The following GLI3 variants were observed in gnomAD, a reference collection of about 807,000 sequenced individuals.
The protein encoded by GLI3 is transcription activator GLI3.
In GLI3, 20 loss-of-function variants were observed where a neutral mutation model predicts 100.8. The ratio of observed to expected loss-of-function variants is 0.20; its 90% CI spans 0.14 to 0.29. The LOEUF is 0.29. GLI3 is among the 10% of genes least tolerant of loss of function. The pLI, the probability that GLI3 is intolerant of heterozygous loss-of-function variation, is 1.00. For synonymous variants in GLI3, 938 were observed against 860.5 expected (o/e 1.09, Z -1.58); for missense variants, 2,040 against 2,128.5 (o/e 0.96, Z 0.82).
chr7:42,101,288 A>T (rs540880257), intron 3 of GLI3, among the ~76,000 whole-genome samples: 1 of 152,178 alleles, frequency 6.6e-6, no homozygotes, highest in Non-Finnish European at 1.5e-5. Flanking sequence ...TACTGTATTT[A>T]GGCATTCTGG....
intron 4 of GLI3, among the ~76,000 whole-genome samples, chr7:42,072,659 C>G (rs192299012): frequency 6.6e-6 from 1 of 152,196 alleles, no homozygotes; most frequent in Admixed American, 6.5e-5. Context: ...ATCATTTGTT[C>G]CCATAGAATA....
intron 3 of GLI3, among the ~76,000 whole-genome samples, chr7:42,144,112 A>C (rs1051991157): frequency 1.3e-5 from 2 of 152,238 alleles, no homozygotes; most frequent in African/African-American, 2.4e-5. Context: ...GGAATGCTTT[A>C]ACTATTATGT....
In GLI3 at chr7:41,964,394, C is replaced by G; in HGVS notation, c.4679G>C (p.Gly1560Ala). 1 of 1,614,114 alleles carries G rather than the reference C, an allele frequency of 6.2e-7. No individual in the cohort carries two copies. Among genetic ancestry groups the G allele is most frequent in the Non-Finnish European group, 8.5e-7 (1 of 1,179,936 alleles). ...GGAGGTCAGCAAAGAACTCATGTCC[C>G]CGATAGCCATGTTGGTGGTGCTCAT... ...LSMSTTNMAI[G>A]DMSSLLTSLA... The change falls in exon 15 of 15, where the codon GGG becomes GCG. Residue 1560 changes from glycine (G) to alanine (A), a missense_variant. Coordinates refer to ENST00000395925, the MANE Select transcript of GLI3 (RefSeq NM_000168.6).
At chr7:42,093,046 T>C (rs1785260519) in intron 3 of GLI3, among the ~76,000 whole-genome samples, 1 of 151,908 alleles carries the variant, frequency 6.6e-6, no homozygotes, top group South Asian at 2.1e-4. Context: ...ACTTCTGACC[T>C]CAGGTGATCC....
intron 3 of GLI3, among the ~76,000 whole-genome samples, chr7:42,098,287 C>T (rs919698442): frequency 3.9e-5 from 6 of 152,108 alleles, no homozygotes; most frequent in African/African-American, 1.4e-4. Context: ...ATCTCTCTGT[C>T]TCTGTGTAAT....
intron 10 of GLI3, among the ~76,000 whole-genome samples, chr7:41,980,537 C>T (rs1045967956): frequency 6.6e-6 from 1 of 151,824 alleles, no homozygotes; most frequent in Non-Finnish European, 1.5e-5. Context: ...GTTCAGTTTT[C>T]CAAGTCATTG....
intron 1 of GLI3, among the ~76,000 whole-genome samples, chr7:42,251,499 C>A (rs1789031478): frequency 6.6e-6 from 1 of 152,110 alleles, no homozygotes; most frequent in Admixed American, 6.6e-5. Context: ...TGGGGACCCC[C>A]CTGCTCTAGT....
intron 2 of GLI3, among the ~76,000 whole-genome samples, chr7:42,194,892 G>C (rs1375517313): frequency 2.0e-5 from 3 of 150,774 alleles, no homozygotes; most frequent in Non-Finnish European, 4.4e-5. Context: ...TCAGCCTCCC[G>C]AGTAACTGGG....
At chr7:42,160,234 G>T (rs1002785224) in intron 2 of GLI3, among the ~76,000 whole-genome samples, 2 of 152,192 alleles carry the variant, frequency 1.3e-5, no homozygotes, top group African/African-American at 4.8e-5. Flanking sequence ...TGCAAAACAG[G>T]GTGGCAAGAT....
intron 3 of GLI3, among the ~76,000 whole-genome samples, chr7:42,078,642 A>ACTGTC (rs1784931013): frequency 6.6e-6 from 1 of 152,080 alleles, no homozygotes; most frequent in South Asian, 2.1e-4. Context: ...ATCTTGTATC[A>ACTGTC]CTGTCACTGT....
At chr7:42,173,889 C>A (rs3801215) in intron 2 of GLI3, among the ~76,000 whole-genome samples, 10,895 of 152,248 alleles carry the variant, frequency 0.072, 411 homozygotes, top group Middle Eastern at 0.11. Context: ...ATGCTGGGCA[C>A]AAGCTTGACC....
At chr7:41,987,373 T>C (rs4724087) in intron 10 of GLI3, among the ~76,000 whole-genome samples, 78,934 of 152,044 alleles carry the variant, frequency 0.52, 21,806 homozygotes, top group East Asian at 0.81. Flanking sequence ...TTCACTGTAT[T>C]GGCCAGGCTG....
chr7:42,026,113 G>T, intron 8 of GLI3, 86 bp downstream of exon 8: 3 of 818,684 alleles, frequency 3.7e-6, no homozygotes, highest in Middle Eastern at 3.3e-4. Flanking sequence ...ACACAGAGGT[G>T]CCGTGTTGAT....
intron 7 of GLI3, among the ~76,000 whole-genome samples, chr7:42,026,760 C>A (rs1246951152): frequency 6.6e-6 from 1 of 152,308 alleles, no homozygotes; most frequent in South Asian, 2.1e-4. Context: ...GCTCTTAGTT[C>A]CGTATGTTCC....
chr7:42,223,154 C>A lies in GLI3; in HGVS notation c.100G>T (p.Val34Phe), dbSNP rs201887880. The change falls in exon 2 of 15, where the codon GTT (valine) becomes TTT (phenylalanine). Residue 34 changes from valine (V) to phenylalanine (F), a missense_variant. By Grantham distance (50) the Val-to-Phe change is conservative (BLOSUM62 -1). Transcript: ENST00000395925. ...CCATTAGAAGTGGTGCTGGAGGCAA[C>A]GGCTTTCTCGCTCACATCTGTTCGA... ...STRTDVSEKA[V>F]ASSTTSNEDE... The A allele has an allele frequency of 6.2e-7, 1 of 1,613,780 alleles. No homozygotes were observed. The highest frequency in any genetic ancestry group is 8.5e-7 in the Non-Finnish European group (1 of 1,179,888).
At position 41,967,583 on chromosome 7, in the gene GLI3, A is replaced by C; in HGVS notation, c.2431+13T>G. 2 of 1,584,234 alleles carry C rather than the reference A, an allele frequency of 1.3e-6. No individual in the cohort carries two copies. Among genetic ancestry groups the C allele is most frequent in the Non-Finnish European group, 1.7e-6 (2 of 1,153,764 alleles). The stretch of plus-strand genomic sequence containing the variant: ...AAACCCTGAGCAGATGCATGGTCTG[A>C]TGTAGAACTCACCATTTCCTATGAG... On this transcript the variant is annotated intron_variant, in intron 14 of 14. Transcript: ENST00000395925.
In GLI3 at chr7:41,967,743, C is replaced by A. The variant is rs2128707060; in HGVS notation, c.2284G>T (p.Ala762Ser). The A allele has an allele frequency of 6.2e-7, 1 of 1,614,202 alleles. No individual in the cohort carries two copies. The highest frequency in any genetic ancestry group is 2.2e-5 in the East Asian group (1 of 44,886). ...STISTATTALALQARRNPAGT... is the reference protein window; with the variant it reads ...STISTATTALSLQARRNPAGT... ...GCCGGGTTTCTCCTGGCTTGCAAAG[C>A]AAGGGCTGTGGTTGCAGTGGAAATG... The change falls in exon 14 of 15, where the codon GCT becomes TCT. Residue 762 changes from alanine to serine, a missense_variant. Transcript: ENST00000395925.
intron 7 of GLI3, among the ~76,000 whole-genome samples, chr7:42,030,030 A>G (rs1158033592): frequency 6.6e-6 from 1 of 152,130 alleles, no homozygotes; most frequent in South Asian, 2.1e-4. Context: ...TGAGTGGCTT[A>G]AAAAAACAGA....
chr7:42,217,100 CA>C (rs1437014625), intron 2 of GLI3, among the ~76,000 whole-genome samples: 3 of 152,166 alleles, frequency 2.0e-5, no homozygotes, highest in Admixed American at 6.5e-5. Context: ...GGTGATTAGA[CA>C]GAGGGTCATT....
Sources: gnomAD v4.1 joint callset for allele counts (sites outside exome capture counted in the v4.1 genomes callset) on GRCh38, gnomAD v4.1.1 for gene constraint, MANE v1.5 for transcripts, NCBI Gene and HGNC (gene_info 2026-07-23, HGNC 2026-07-21) for gene names.